SH3KBP1: variants seen among roughly 807,000 people sequenced by gnomAD.
SH3KBP1 encodes SH3 domain-containing kinase-binding protein 1.
SH3KBP1 carries 8 observed loss-of-function variants against 50.1 expected under a neutral mutation model. The observed-to-expected ratio is 0.16, with a 90% CI of 0.09 to 0.29. The LOEUF is 0.29. SH3KBP1 is among the 10% of genes least tolerant of loss of function. The probability of loss-of-function intolerance (pLI) is 1.00; values close to 1 mark genes in which losing one functional copy is unlikely to be tolerated. For synonymous variants in SH3KBP1, 227 were observed against 218.6 expected (o/e 1.04, Z -0.34); for missense variants, 377 against 535.2 (o/e 0.70, Z 2.92).
At chrX:19,864,618 G>A (rs747272904) in intron 1 of SH3KBP1, among the ~76,000 whole-genome samples, 1 of 111,542 alleles carries the variant, frequency 9.0e-6, no homozygotes, top group Admixed American at 9.5e-5. Flanking sequence ...GGAAGGGAAC[G>A]GGATTTTCCT....
intron 2 of SH3KBP1, among the ~76,000 whole-genome samples, chrX:19,827,502 C>T (rs990147090): frequency 9.0e-6 from 1 of 111,500 alleles, no homozygotes; most frequent in Admixed American, 9.6e-5. Context: ...CACATCAGCC[C>T]GAGCTATAGT....
At chrX:19,687,004 A>T (rs1311516999) in intron 5 of SH3KBP1, among the ~76,000 whole-genome samples, 1 of 112,248 alleles carries the variant, frequency 8.9e-6, no homozygotes, top group Admixed American at 9.4e-5. Flanking sequence ...TGTGGCAAGA[A>T]CTGTTCTAAG....
intron 8 of SH3KBP1, among the ~76,000 whole-genome samples, chrX:19,628,925 C>T (rs1220683820): frequency 9.0e-6 from 1 of 110,651 alleles, no homozygotes; most frequent in Non-Finnish European, 1.9e-5. Context: ...GGTAAAACCC[C>T]GTCTCTACTA....
intron 10 of SH3KBP1, among the ~76,000 whole-genome samples, chrX:19,593,602 T>C (rs1297874363): frequency 9.0e-6 from 1 of 110,606 alleles, no homozygotes; most frequent in Non-Finnish European, 1.9e-5. Flanking sequence ...TTTGGTAAAA[T>C]TGTTTTAAAA....
At chrX:19,754,888 T>TA (rs1362408378) in intron 2 of SH3KBP1, among the ~76,000 whole-genome samples, 1 of 111,944 alleles carries the variant, frequency 8.9e-6, no homozygotes, top group Non-Finnish European at 1.9e-5. Context: ...CTAACTTTTT[T>TA]AAAAAAACAA....
At chrX:19,655,569 A>T (rs1310536614) in intron 6 of SH3KBP1, among the ~76,000 whole-genome samples, 1 of 111,866 alleles carries the variant, frequency 8.9e-6, no homozygotes, top group Non-Finnish European at 1.9e-5. Context: ...ATGGAAACAG[A>T]AAACCAAGTA....
chrX:19,572,794 G>A (rs1206623406), intron 12 of SH3KBP1, among the ~76,000 whole-genome samples: 1 of 111,989 alleles, frequency 8.9e-6, no homozygotes, highest in Non-Finnish European at 1.9e-5. Flanking sequence ...CCATCTGAAC[G>A]ATGTTTATAA....
chrX:19,797,543 G>C (rs1438815880), intron 2 of SH3KBP1, among the ~76,000 whole-genome samples: 1 of 111,734 alleles, frequency 8.9e-6, no homozygotes, highest in Non-Finnish European at 1.9e-5. Flanking sequence ...GAAAAGTACC[G>C]AAGGTTGGCA....
chrX:19,842,352 C>T (rs2068244645), intron 1 of SH3KBP1, among the ~76,000 whole-genome samples: 1 of 110,721 alleles, frequency 9.0e-6, no homozygotes, highest in African/African-American at 3.3e-5. Flanking sequence ...ATGGTGAAAC[C>T]CTGTCTCTAC....
At chrX:19,562,297 C>T (rs1436563878) in intron 13 of SH3KBP1, among the ~76,000 whole-genome samples, 1 of 111,060 alleles carries the variant, frequency 9.0e-6, no homozygotes, top group Non-Finnish European at 1.9e-5. Context: ...AAACGGAAGC[C>T]ATAACTGGGC....
Position 19,600,028 on chromosome X carries a change from A to T in SH3KBP1, c.1006-5028T>A, listed in dbSNP as rs1307947579. ...CAGACACCTGTAGTCCCAGCTACTC[A>T]GGAGGCTGAGGCAGGAGAATGGCGT... is the stretch of plus-strand genomic sequence containing the variant. On this transcript the variant is annotated intron_variant, in intron 9 of 17. Coordinates refer to ENST00000397821, the MANE Select transcript of SH3KBP1 (RefSeq NM_031892.3). Among the ~76,000 whole-genome samples, 4 of 98,275 alleles carry T rather than the reference A, an allele frequency of 4.1e-5. No individual in the cohort carries two copies. In the East Asian group the frequency reaches 1.3e-3, roughly 31 times the overall value. The allele number at this position is 98,275 out of a possible 115,157, so 85.3% of individuals were successfully genotyped here.
At chrX:19,636,142 T>C (rs1029184278) in intron 7 of SH3KBP1, among the ~76,000 whole-genome samples, 19 of 106,306 alleles carry the variant, frequency 1.8e-4, no homozygotes, top group East Asian at 2.9e-4. Flanking sequence ...CACACACACA[T>C]AGAGAGAGAG....
At chrX:19,643,300 A>ATTTTT (rs201544483) in intron 7 of SH3KBP1, among the ~76,000 whole-genome samples, 966 of 86,781 alleles carry the variant, frequency 0.011, 123 homozygotes, top group African/African-American at 0.014. Flanking sequence ...AAACTGAAGA[A>ATTTTT]TTTTTTATTT....
intron 1 of SH3KBP1, among the ~76,000 whole-genome samples, 193 bp from the exon 2 acceptor site, chrX:19,836,475 G>A (rs2068059903): frequency 8.9e-6 from 1 of 111,987 alleles, no homozygotes; most frequent in South Asian, 3.7e-4. Context: ...CAAAGTGCTG[G>A]TCCGTGGTCA....
chrX:19,548,885 G>A (rs999553792), intron 14 of SH3KBP1, among the ~76,000 whole-genome samples: 3 of 111,335 alleles, frequency 2.7e-5, no homozygotes, highest in African/African-American at 3.3e-5. Flanking sequence ...TGGAAGGTGA[G>A]CTTGGAGGGG....
chrX:19,640,801 A>G (rs2061839108), intron 7 of SH3KBP1, among the ~76,000 whole-genome samples: 2 of 112,081 alleles, frequency 1.8e-5, no homozygotes, highest in East Asian at 2.8e-4. Flanking sequence ...ATCTCTGATT[A>G]GTTGCTTTCT....
intron 3 of SH3KBP1, among the ~76,000 whole-genome samples, chrX:19,716,102 G>A (rs1227915766): frequency 8.9e-6 from 1 of 111,928 alleles, no homozygotes; most frequent in East Asian, 2.8e-4. Context: ...TTTTACTTGG[G>A]ACGTCCAGTA....
chrX:19,600,095 CAA>C (rs1218369399), intron 9 of SH3KBP1, among the ~76,000 whole-genome samples: 53 of 27,390 alleles, frequency 1.9e-3, no homozygotes, highest in African/African-American at 6.7e-3. Flanking sequence ...GACTCCGTCT[CAA>C]AAAAAAAAAA....
chrX:19,800,159 C>T (rs773880854), intron 2 of SH3KBP1, among the ~76,000 whole-genome samples: 3 of 112,144 alleles, frequency 2.7e-5, no homozygotes, highest in Non-Finnish European at 5.6e-5. Flanking sequence ...CTCACCATTA[C>T]GAGCTGCACC....
Sources: gnomAD v4.1 joint callset for allele counts (sites outside exome capture counted in the v4.1 genomes callset) on GRCh38, gnomAD v4.1.1 for gene constraint, MANE v1.5 for transcripts, NCBI Gene and HGNC (gene_info 2026-07-23, HGNC 2026-07-21) for gene names.